ARHGEF28: variants seen among roughly 807,000 people sequenced by gnomAD.
The protein encoded by ARHGEF28 is 190 kDa guanine nucleotide exchange factor.
A neutral mutation model predicts 206.6 loss-of-function variants in ARHGEF28; 152 were observed. The observed-to-expected ratio is 0.74, with a 90% CI of 0.64 to 0.84. The LOEUF is 0.84. Among genes scored for constraint, ARHGEF28 ranks in the 40% least tolerant of loss-of-function variants. The pLI is 0.00. For missense variants in ARHGEF28, 2,028 were observed against 2,073.2 expected, an observed-to-expected ratio of 0.98 and a Z score of 0.42; for synonymous variants, 763 against 776.4, an observed-to-expected ratio of 0.98 and a Z score of 0.29.
intron 1 of ARHGEF28, among the ~76,000 whole-genome samples, chr5:73,664,628 A>G (rs1314171970): frequency 4.6e-5 from 7 of 152,132 alleles, no homozygotes; most frequent in South Asian, 2.1e-4. Context: ...TTCTTGGACT[A>G]TTCTTTCTTG....
chr5:73,796,954 G>A (rs1173051169), intron 9 of ARHGEF28, among the ~76,000 whole-genome samples: 1 of 152,156 alleles, frequency 6.6e-6, no homozygotes, highest in Admixed American at 6.5e-5. Context: ...GAGGGAGGTA[G>A]GCTACTAAAA....
chr5:73,718,512 C>A (rs1749725198), intron 2 of ARHGEF28, among the ~76,000 whole-genome samples: 1 of 152,174 alleles, frequency 6.6e-6, no homozygotes, highest in Non-Finnish European at 1.5e-5. Context: ...TCCTTGGCTT[C>A]ATGCAGTCCT....
intron 35 of ARHGEF28, chr5:73,923,265 A>G: frequency 9.7e-7 from 1 of 1,035,322 alleles, no homozygotes; most frequent in Non-Finnish European, 1.4e-6. Context: ...CTAAACAAGC[A>G]GTCTGAGATA....
At chr5:73,742,202 T>A (rs1751475179) in intron 2 of ARHGEF28, among the ~76,000 whole-genome samples, 1 of 152,168 alleles carries the variant, frequency 6.6e-6, no homozygotes, top group Non-Finnish European at 1.5e-5. Flanking sequence ...TTAAAGTATG[T>A]CTCTTGTTGG....
chr5:73,894,314 A>G, intron 28 of ARHGEF28, 79 bp from the exon 29 acceptor site: 1 of 1,390,820 alleles, frequency 7.2e-7, no homozygotes, highest in Non-Finnish European at 9.7e-7. Context: ...CTAATTAGCA[A>G]CATCTTTTTC....
intron 34 of ARHGEF28, among the ~76,000 whole-genome samples, chr5:73,910,717 A>G (rs1329820918): frequency 1.3e-5 from 2 of 152,224 alleles, no homozygotes; most frequent in Non-Finnish European, 2.9e-5. Flanking sequence ...TAAATTTGAT[A>G]TAGTAAATTC....
chr5:73,822,491 A>G (rs927341678), intron 9 of ARHGEF28, among the ~76,000 whole-genome samples: 5 of 152,178 alleles, frequency 3.3e-5, no homozygotes, highest in Admixed American at 1.3e-4. Flanking sequence ...TAATTTTGGA[A>G]TTTGGATGTA....
chr5:73,798,307 A>G (rs1372346829), intron 9 of ARHGEF28, among the ~76,000 whole-genome samples: 2 of 152,182 alleles, frequency 1.3e-5, no homozygotes, highest in Non-Finnish European at 2.9e-5. Flanking sequence ...GCTATCAAAT[A>G]GTAGGTCTTA....
chr5:73,813,616 A>T, intron 9 of ARHGEF28: 1 of 1,535,798 alleles, frequency 6.5e-7, no homozygotes, highest in Non-Finnish European at 8.7e-7. Flanking sequence ...CTCACCTTTT[A>T]ACTACTCGTG....
chr5:73,935,535 A>G (rs1764370399), intron 35 of ARHGEF28, among the ~76,000 whole-genome samples: 1 of 152,216 alleles, frequency 6.6e-6, no homozygotes, highest in African/African-American at 2.4e-5. Context: ...GTTTTCCATT[A>G]GAAGAAAAAA....
chr5:73,659,344 C>T (rs1306472575), intron 1 of ARHGEF28, among the ~76,000 whole-genome samples: 1 of 152,146 alleles, frequency 6.6e-6, no homozygotes, highest in African/African-American at 2.4e-5. Flanking sequence ...TCCTGGCTAA[C>T]ACGGTGAAAC....
intron 30 of ARHGEF28, chr5:73,899,166 T>G (rs1193027683): frequency 2.0e-5 from 3 of 152,216 alleles, no homozygotes; most frequent in Non-Finnish European, 4.4e-5. Flanking sequence ...TTTTTCATTT[T>G]GACACAGCCC....
chr5:73,843,250 G>C (rs936566104), intron 11 of ARHGEF28, among the ~76,000 whole-genome samples: 3 of 152,024 alleles, frequency 2.0e-5, no homozygotes, highest in African/African-American at 7.2e-5. Flanking sequence ...TATCTGTTTT[G>C]AGTACAGGTA....
At chr5:73,917,250 G>A (rs1012711970) in intron 35 of ARHGEF28, among the ~76,000 whole-genome samples, 4 of 152,176 alleles carry the variant, frequency 2.6e-5, no homozygotes, top group Admixed American at 1.3e-4. Context: ...ATATATAGGA[G>A]TCTGAGGAAA....
chr5:73,921,984 A>T (rs1763545475), intron 35 of ARHGEF28, among the ~76,000 whole-genome samples: 1 of 152,200 alleles, frequency 6.6e-6, no homozygotes, highest in Admixed American at 6.5e-5. Context: ...GAGTCTCATA[A>T]ATCCACCAGA....
intron 35 of ARHGEF28, among the ~76,000 whole-genome samples, chr5:73,922,331 C>T (rs2111977771): frequency 6.6e-6 from 1 of 152,312 alleles, no homozygotes; most frequent in African/African-American, 2.4e-5. Context: ...TTTGGGGAGC[C>T]TTTGTAGAAA....
chr5:73,844,042 G>A (rs563938907), intron 11 of ARHGEF28, among the ~76,000 whole-genome samples: 81 of 152,078 alleles, frequency 5.3e-4, no homozygotes, highest in African/African-American at 1.8e-3. Context: ...CCCACTACTG[G>A]GAATTAGAAA....
At chr5:73,801,216 G>A (rs1402185012) in intron 9 of ARHGEF28, among the ~76,000 whole-genome samples, 2 of 152,166 alleles carry the variant, frequency 1.3e-5, no homozygotes, top group Non-Finnish European at 2.9e-5. Context: ...GGAGGCCGAG[G>A]CAGGCGGATC....
intron 24 of ARHGEF28, among the ~76,000 whole-genome samples, chr5:73,884,263 ATC>A: frequency 6.6e-6 from 1 of 152,252 alleles, no homozygotes; most frequent in Non-Finnish European, 1.5e-5. Flanking sequence ...CTCCCAAGCA[ATC>A]TGTTATTAAG....
Sources: allele counts gnomAD v4.1 joint callset (sites outside exome capture counted in the v4.1 genomes callset), GRCh38; gene constraint gnomAD v4.1.1; transcripts MANE v1.5; gene names NCBI Gene and HGNC (gene_info 2026-07-23, HGNC 2026-07-21).